The following ZC3H12D variants were observed in gnomAD, a reference collection of about 807,000 sequenced individuals.
ZC3H12D encodes probable ribonuclease ZC3H12D.
Under a neutral mutation model 24.2 loss-of-function variants are expected in ZC3H12D, and 11 were observed. The observed-to-expected ratio is 0.46, with a 90% CI of 0.29 to 0.75. ZC3H12D has a LOEUF of 0.75. ZC3H12D is among the 30% of genes least tolerant of loss of function. ZC3H12D has a pLI of 0.11. For synonymous variants in ZC3H12D, 333 were observed against 341.8 expected (o/e 0.97, Z 0.28); for missense variants, 740 against 767.7 (o/e 0.96, Z 0.43).
chr6:149,484,112 A>G (rs1034756711), intron 1 of ZC3H12D, among the ~76,000 whole-genome samples: 3 of 152,204 alleles, frequency 2.0e-5, no homozygotes, highest in Non-Finnish European at 2.9e-5. Flanking sequence ...ACTCTACTGT[A>G]GTCCACACCC....
rs377380833 is a variant in ZC3H12D at position 149,456,968 on chromosome 6, G to T, written c.446-68C>A. The T allele has an allele frequency of 6.1e-5, 90 of 1,476,026 alleles. No individual in the cohort carries two copies. The East Asian group carries it at 6.5e-4, about 11-fold the overall frequency. The allele number at this position is 1,476,026 out of a possible 1,614,324, so 91.4% of individuals were successfully genotyped here. On this transcript the variant is annotated intron_variant, in intron 3 of 5. Coordinates refer to ENST00000409806, the MANE Select transcript of ZC3H12D (RefSeq NM_207360.3). This position sits in a 1 kb window ranked among gnomAD's most constrained non-coding sequence, Gnocchi z 4.3. ...ACCGCCCCTGAGAACCACCCCCAAC[G>T]CGAGGCCACCCGCTTCCCGGGCCGG...
rs572495364 is a variant in ZC3H12D, at chr6:149,446,967, C to T, written c.*3716G>A. On this transcript the variant is annotated 3_prime_UTR_variant, in exon 6 of 6. Coordinates refer to ENST00000409806, the MANE Select transcript of ZC3H12D (RefSeq NM_207360.3). ...AGATGGCAACAGCCTCTGGTTTGAT[C>T]AGTCGAGGAGAGCTCTGCTGCATGT... 3 of 152,386 alleles carry T rather than the reference C, an allele frequency of 2.0e-5. No individual in the cohort carries two copies. The South Asian group carries it at 6.2e-4, about 32-fold the overall frequency. The allele number at this position is 152,386 out of a possible 1,614,324, so 9.4% of individuals were successfully genotyped here. A position where few individuals can be genotyped will look rare whatever the true frequency, so the allele number is the denominator to read the frequency against.
Position 149,451,490 on chromosome 6 carries a change from C to A in ZC3H12D, c.788-11G>T. 2 of 1,557,042 alleles carry A rather than the reference C, an allele frequency of 1.3e-6. No homozygotes were observed. The highest frequency in any genetic ancestry group is 2.5e-5 in the East Asian group (1 of 39,832). Reference sequence around the variant, plus strand: ...AGGTGCATTTCTTGCCTGAAAGGGGCGGGGGCAGAGAGGGCGCGACGTGAG... The same window carrying A: ...AGGTGCATTTCTTGCCTGAAAGGGGAGGGGGCAGAGAGGGCGCGACGTGAG... On this transcript the variant is annotated splice_polypyrimidine_tract_variant and intron_variant, in intron 5 of 5. Coordinates refer to ENST00000409806, the MANE Select transcript of ZC3H12D (RefSeq NM_207360.3).
chr6:149,450,707 C>G lies in ZC3H12D; in HGVS notation c.1560G>C (p.Ala520=). The G allele has an allele frequency of 1.3e-6, 2 of 1,537,920 alleles. No individual in the cohort carries two copies. Among genetic ancestry groups the G allele is most frequent in the Non-Finnish European group, 1.8e-6 (2 of 1,140,064 alleles). Residue 520 remains alanine, a synonymous_variant, in exon 6 of 6, where the codon GCG becomes GCC. Transcript: ENST00000409806. ...CTTAGGGCTTGCCCAGGGGCGCCCC[C>G]GCGCTCTGGCATCTCTGTACCAGGA... ...LILLVQRCQS[A]GAPLGKP is the part of the protein sequence containing the mutation.
At chr6:149,463,258 G>A (rs1479295302) in intron 2 of ZC3H12D, among the ~76,000 whole-genome samples, 1 of 152,232 alleles carries the variant, frequency 6.6e-6, no homozygotes, top group Non-Finnish European at 1.5e-5. Flanking sequence ...TTCCATAGAA[G>A]ACTTCAATGG....
intron 2 of ZC3H12D, 56 bp downstream of exon 2, chr6:149,474,183 G>C: frequency 7.1e-7 from 1 of 1,402,802 alleles, no homozygotes; most frequent in South Asian, 1.8e-5. Context: ...ACAGTTCTCA[G>C]GGCTCCTGCG....
chr6:149,451,546 G>C (rs993784270), intron 5 of ZC3H12D, 67 bp from the exon 6 acceptor site: 188 of 1,376,754 alleles, frequency 1.4e-4, no homozygotes, highest in Non-Finnish European at 1.7e-4. Flanking sequence ...GGTGGTTCCT[G>C]GTGCATCCGG....
At chr6:149,458,428 C>A (rs1776021882) in intron 3 of ZC3H12D, among the ~76,000 whole-genome samples, 1 of 152,108 alleles carries the variant, frequency 6.6e-6, no homozygotes, top group Non-Finnish European at 1.5e-5. Context: ...AGTCACCATG[C>A]CCCACTGAGG....
intron 3 of ZC3H12D, chr6:149,459,492 C>A: frequency 1.5e-6 from 1 of 680,098 alleles, no homozygotes; most frequent in East Asian, 2.7e-5. Context: ...GAGGGAACCA[C>A]AGCCCAGAAT....
chr6:149,471,818 C>A, intron 2 of ZC3H12D, among the ~76,000 whole-genome samples: 1 of 152,228 alleles, frequency 6.6e-6, no homozygotes, highest in Non-Finnish European at 1.5e-5. Context: ...CCAACAGGAG[C>A]CACACTTCTC....
intron 1 of ZC3H12D, among the ~76,000 whole-genome samples, chr6:149,483,827 A>G (rs992957069): frequency 6.6e-6 from 1 of 152,184 alleles, no homozygotes; most frequent in African/African-American, 2.4e-5. Context: ...CTGGGATTAC[A>G]GGTGTGAGCC....
chr6:149,472,164 A>G (rs997992302), intron 2 of ZC3H12D, among the ~76,000 whole-genome samples: 4 of 152,214 alleles, frequency 2.6e-5, no homozygotes, highest in Non-Finnish European at 4.4e-5. Flanking sequence ...GGAGGACACA[A>G]CAGATGTCAC....
Position 149,461,955 on chromosome 6 carries a change from T to G in ZC3H12D, c.321A>C (p.Glu107Asp), listed in dbSNP as rs1478471699. 6.2e-7 allele frequency: 1 copy of G among 1,611,802 alleles called. No individual in the cohort carries two copies. Among genetic ancestry groups the G allele is most frequent in the East Asian group, 2.2e-5 (1 of 44,868 alleles). The change falls in exon 3 of 6, where the codon GAA becomes GAC. Residue 107 changes from glutamate to aspartate, a missense_variant. Coordinates refer to ENST00000409806, the MANE Select transcript of ZC3H12D (RefSeq NM_207360.3). The part of the protein sequence containing the change: ...SNVAMSHGNK[E>D]TFSCRGIKLA... Reference sequence around the variant, plus strand: ...GCTTGATTCCCCGGCAAGAGAAGGTTTCTTTATTTCCATGGCTACAATGGG... The same window carrying G: ...GCTTGATTCCCCGGCAAGAGAAGGTGTCTTTATTTCCATGGCTACAATGGG...
chr6:149,469,414 C>T (rs569083754), intron 2 of ZC3H12D, among the ~76,000 whole-genome samples: 3 of 151,838 alleles, frequency 2.0e-5, no homozygotes, highest in East Asian at 1.9e-4. Context: ...GCCGAGATGG[C>T]GCCACTGCAC....
intron 1 of ZC3H12D, among the ~76,000 whole-genome samples, chr6:149,481,838 C>T (rs1776430798): frequency 6.6e-6 from 1 of 152,208 alleles, no homozygotes; most frequent in African/African-American, 2.4e-5. Flanking sequence ...AATGATTTGT[C>T]GTTTTGAGAT....
rs771051514 is a variant in ZC3H12D at position 149,452,684 on chromosome 6, G to T, written c.719C>A (p.Pro240His). ...PPDDPLGRHG[P>H]SLSNFLSRKP... ...CCTGCTCAGGAAGTTGCTCAGGGAG[G>T]GTCCATGGCGGCCCAGGGGGTCATC... Residue 240 changes from proline to histidine, a missense_variant, in exon 5 of 6, where the codon CCC becomes CAC. By Grantham distance (77) the Pro-to-His change is moderately conservative. Coordinates refer to ENST00000409806, the MANE Select transcript of ZC3H12D (RefSeq NM_207360.3). The surrounding 1 kb of genome is among the most constrained non-coding windows in gnomAD (Gnocchi z 4.0). 6.2e-7 allele frequency: 1 copy of T among 1,608,414 alleles called. No homozygotes were observed. Among genetic ancestry groups the T allele is most frequent in the Non-Finnish European group, 8.5e-7 (1 of 1,178,064 alleles).
Position 149,474,381 on chromosome 6 carries a change from C to A in ZC3H12D, c.163G>T (p.Ala55Ser). The change falls in exon 2 of 6, where the codon GCA becomes TCA. Residue 55 changes from alanine to serine, a missense_variant. Coordinates refer to ENST00000409806, the MANE Select transcript of ZC3H12D (RefSeq NM_207360.3). ...SRPGALEHPA[A>S]PRLVPRGSCG... Reference sequence around the variant, plus strand: ...GAGCCCCGAGGCACTAGCCTGGGTGCAGCCGGGTGCTCCAGGGCACCCGGG... The same window carrying A: ...GAGCCCCGAGGCACTAGCCTGGGTGAAGCCGGGTGCTCCAGGGCACCCGGG... The A allele has an allele frequency of 6.2e-7, 1 of 1,608,184 alleles. No homozygotes were observed. Among genetic ancestry groups the A allele is most frequent in the Non-Finnish European group, 8.5e-7 (1 of 1,175,788 alleles).
At chr6:149,458,128 CTTTT>C (rs1189920889) in intron 3 of ZC3H12D, among the ~76,000 whole-genome samples, 16 of 39,754 alleles carry the variant, frequency 4.0e-4, no homozygotes. Flanking sequence ...TTTTTCGTTT[CTTTT>C]TTTTTTTTTT....
intron 2 of ZC3H12D, among the ~76,000 whole-genome samples, chr6:149,462,900 A>G (rs1316508015): frequency 1.3e-5 from 2 of 152,094 alleles, no homozygotes; most frequent in African/African-American, 4.8e-5. Flanking sequence ...CGGCTTCCCT[A>G]TTTTTGAGGT....
Sources: allele counts gnomAD v4.1 joint callset (sites outside exome capture counted in the v4.1 genomes callset), GRCh38; gene constraint gnomAD v4.1.1; non-coding constraint Gnocchi (gnomAD v3.1); transcripts MANE v1.5; gene names NCBI Gene and HGNC (gene_info 2026-07-23, HGNC 2026-07-21).